DCAF13: variants seen among roughly 807,000 people sequenced by gnomAD.
The protein encoded by DCAF13 is DDB1 and CUL4 associated factor 13, also known as DDB1- and CUL4-associated factor 13.
Under a neutral mutation model 59.0 loss-of-function variants are expected in DCAF13, and 38 were observed. That is an observed-to-expected ratio of 0.64 (90% CI 0.50 to 0.84). The LOEUF (loss-of-function observed/expected upper bound fraction) is 0.84. DCAF13 is among the 40% of genes least tolerant of loss of function. The pLI is 0.00. For missense variants in DCAF13, 469 were observed against 558.4 expected, an observed-to-expected ratio of 0.84 and a Z score of 1.61; for synonymous variants, 173 against 175.0, an observed-to-expected ratio of 0.99 and a Z score of 0.09.
At chr8:103,420,532 T>C in intron 2 of DCAF13, 69 bp downstream of exon 2, 2 of 1,480,034 alleles carry the variant, frequency 1.4e-6, no homozygotes, top group Non-Finnish European at 1.8e-6. Flanking sequence ...CCTTTAGTTT[T>C]TAGTTACTGT....
chr8:103,438,958 C>A (rs1009304563), intron 8 of DCAF13, among the ~76,000 whole-genome samples: 1 of 152,160 alleles, frequency 6.6e-6, no homozygotes, highest in Admixed American at 6.5e-5. Flanking sequence ...GCATATTTCA[C>A]AGCCTTTCCA....
chr8:103,419,130 C>T (rs1383905727), intron 1 of DCAF13, among the ~76,000 whole-genome samples: 1 of 151,626 alleles, frequency 6.6e-6, no homozygotes, highest in Admixed American at 6.6e-5. Context: ...GTGATCCGTC[C>T]GTCCCGGCCC....
At chr8:103,417,349 A>G (rs1375417962) in intron 1 of DCAF13, among the ~76,000 whole-genome samples, 1 of 152,098 alleles carries the variant, frequency 6.6e-6, no homozygotes, top group East Asian at 1.9e-4. Context: ...TTCTTAAAAA[A>G]AAAGATCTTT....
chr8:103,421,177 T>C, intron 3 of DCAF13, 95 bp downstream of exon 3: 1 of 890,878 alleles, frequency 1.1e-6, no homozygotes, highest in African/African-American at 1.7e-5. Flanking sequence ...TATTTGTTCC[T>C]AGGCCCTTTT....
intron 9 of DCAF13, 22 bp from the exon 10 acceptor site, chr8:103,441,433 A>G (rs1297293825): frequency 1.3e-6 from 2 of 1,573,398 alleles, no homozygotes; most frequent in Non-Finnish European, 1.7e-6. Flanking sequence ...ATTCATTAAG[A>G]TACCAAAATG....
chr8:103,442,703 C>A, intron 10 of DCAF13, 92 bp from the exon 11 acceptor site: 1 of 787,862 alleles, frequency 1.3e-6, no homozygotes, highest in South Asian at 2.4e-5. Flanking sequence ...AGGTGTTTTT[C>A]TAGTGAAAGA....
At chr8:103,432,588 A>G (rs1816880599) in intron 6 of DCAF13, 71 bp from the exon 7 acceptor site, 3 of 945,224 alleles carry the variant, frequency 3.2e-6, no homozygotes, top group Non-Finnish European at 5.0e-6. Context: ...TGTTTATGAA[A>G]TATTTGCTTA....
At chr8:103,417,860 C>CT (rs1200614873) in intron 1 of DCAF13, among the ~76,000 whole-genome samples, 1 of 151,756 alleles carries the variant, frequency 6.6e-6, no homozygotes, top group East Asian at 2.0e-4. Context: ...TGGCTCACGC[C>CT]TGTAATCCCA....
intron 5 of DCAF13, 66 bp downstream of exon 5, chr8:103,427,318 C>G (rs1233597148): frequency 7.1e-7 from 1 of 1,401,998 alleles, no homozygotes; most frequent in Admixed American, 2.2e-5. Flanking sequence ...GTTTAGAAAA[C>G]TTTTGAATGT....
chr8:103,418,860 ATATATATTTTTTTTTTTTTTTTTTTTT>A (rs1816677064), intron 1 of DCAF13, among the ~76,000 whole-genome samples: 1 of 34,628 alleles, frequency 2.9e-5, no homozygotes, highest in African/African-American at 1.5e-4. Context: ...ATATATATAT[ATATATATTTTTTTTTTTTTTTTTTTTT>A]TTTTTTTTTT....
chr8:103,427,346 A>G, intron 5 of DCAF13, 94 bp downstream of exon 5: 1 of 1,120,744 alleles, frequency 8.9e-7, no homozygotes, highest in Non-Finnish European at 1.3e-6. Flanking sequence ...AAACTTCTGA[A>G]TTTTAATGGT....
rs940010734 is a variant in DCAF13, at chr8:103,420,398, G to C, written c.205G>C (p.Val69Leu). The change falls in exon 2 of 11, where the codon GTC becomes CTC. Residue 69 changes from valine (V) to leucine (L), a missense_variant. By Grantham distance (32) the Val-to-Leu change is conservative. Coordinates refer to ENST00000612750, the MANE Select transcript of DCAF13 (RefSeq NM_015420.7). ...LASLDGHRDG[V>L]NCLAKHPEKL... ...TTCGCTGGATGGTCACCGTGATGGA[G>C]TCAATTGCTTGGCAAAGCATCCAGA... The C allele has an allele frequency of 6.2e-7, 1 of 1,614,036 alleles. No homozygotes were observed. The highest frequency in any genetic ancestry group is 8.5e-7 in the Non-Finnish European group (1 of 1,180,028).
Position 103,442,919 on chromosome 8 carries a change from T to C in DCAF13, c.*37T>C, listed in dbSNP as rs753170138. Reference sequence around the variant, plus strand: ...AACAATCCTGATGTATAATTATTTGTTACTTTTGATTTGAGAACTCTACAA... The same window carrying C: ...AACAATCCTGATGTATAATTATTTGCTACTTTTGATTTGAGAACTCTACAA... On this transcript the variant is annotated 3_prime_UTR_variant, in exon 11 of 11. Transcript: ENST00000612750. 1 of 1,411,410 alleles carries C rather than the reference T, an allele frequency of 7.1e-7. No individual in the cohort carries two copies. The highest frequency in any genetic ancestry group is 2.5e-4 in the Middle Eastern group (1 of 3,998). 87.4% of individuals were successfully genotyped at this position (1,411,410 alleles called of 1,614,324 possible).
Position 103,427,097 on chromosome 8 carries a change from A to G in DCAF13, c.469A>G (p.Thr157Ala). 6.3e-7 allele frequency: 1 copy of G among 1,593,204 alleles called. No homozygotes were observed. Among genetic ancestry groups the G allele is most frequent in the Non-Finnish European group, 8.5e-7 (1 of 1,174,534 alleles). Residue 157 changes from threonine to alanine, a missense_variant and splice_region_variant, in exon 5 of 11, where the codon ACA becomes GCA. Thr to Ala is a moderately conservative substitution (Grantham distance 58, BLOSUM62 0). Around this residue, in one of 3 missense-constraint regions of DCAF13, gnomAD observed 355 missense variants for 399.1 expected, o/e 0.89. Transcript: ENST00000612750. ...EEPLHTILGK[T>A]VYTGIDHHWK... is the part of the protein sequence containing the mutation. ...CCTCTTAACCTTTTTGCTTTTAAAGACAGTGTATACTGGGATTGATCATCA... is the reference window on the plus strand; with the variant it reads ...CCTCTTAACCTTTTTGCTTTTAAAGGCAGTGTATACTGGGATTGATCATCA...
intron 3 of DCAF13, among the ~76,000 whole-genome samples, chr8:103,425,468 T>C (rs1313119232): frequency 6.6e-6 from 1 of 152,234 alleles, no homozygotes; most frequent in African/African-American, 2.4e-5. Context: ...ATGTCTTTAC[T>C]AACATTATGA....
chr8:103,429,689 CA>C (rs1554569763), intron 5 of DCAF13: 1 of 91,440 alleles, frequency 1.1e-5, no homozygotes, highest in South Asian at 2.8e-4. Context: ...AGAGAGTTAA[CA>C]ACACGAAGAA....
chr8:103,426,817 A>G (rs1329380813), intron 4 of DCAF13, among the ~76,000 whole-genome samples: 1 of 152,084 alleles, frequency 6.6e-6, no homozygotes, highest in Non-Finnish European at 1.5e-5. Context: ...AGAAGACTAA[A>G]TGTTCTTAAA....
chr8:103,441,563 T>G lies in DCAF13; in HGVS notation c.1195T>G (p.Ser399Ala). The change falls in exon 10 of 11, where the codon TCT (serine) becomes GCT (alanine). Residue 399 changes from serine (S) to alanine (A), a missense_variant. Coordinates refer to ENST00000612750, the MANE Select transcript of DCAF13 (RefSeq NM_015420.7). ...AGCTCGTCATCGACATCTACCAAAATCTATCTATAGCCAGATTCAGGAACA... is the reference window on the plus strand; with the variant it reads ...AGCTCGTCATCGACATCTACCAAAAGCTATCTATAGCCAGATTCAGGAACA... ...RIARHRHLPK[S>A]IYSQIQEQRI... 6.2e-7 allele frequency: 1 copy of G among 1,608,956 alleles called. No homozygotes were observed. Among genetic ancestry groups the G allele is most frequent in the Non-Finnish European group, 8.5e-7 (1 of 1,178,900 alleles).
chr8:103,435,986 G>T (rs1270112732), intron 8 of DCAF13, among the ~76,000 whole-genome samples, 196 bp downstream of exon 8: 1 of 152,150 alleles, frequency 6.6e-6, no homozygotes, highest in African/African-American at 2.4e-5. Context: ...TCTAGACTAC[G>T]AATCTGTTCA....
Sources: gnomAD v4.1 joint callset for allele counts (sites outside exome capture counted in the v4.1 genomes callset) on GRCh38, gnomAD v4.1.1 for gene constraint, gnomAD v4.1.1 regional missense constraint, MANE v1.5 for transcripts, NCBI Gene and HGNC (gene_info 2026-07-23, HGNC 2026-07-21) for gene names.